LIG1: variants seen among roughly 807,000 people sequenced by gnomAD.
LIG1 encodes the protein ligase I, DNA, ATP-dependent.
A neutral mutation model predicts 115.7 loss-of-function variants in LIG1; 70 were observed. The ratio of observed to expected loss-of-function variants is 0.60; its 90% CI spans 0.50 to 0.74. The LOEUF (loss-of-function observed/expected upper bound fraction) is 0.74. Among genes scored for constraint, LIG1 ranks in the 30% least tolerant of loss-of-function variants. The pLI, the probability that LIG1 is intolerant of heterozygous loss-of-function variation, is 0.00. For synonymous variants in LIG1, 487 were observed against 495.3 expected, an observed-to-expected ratio of 0.98 and a Z score of 0.22; for missense variants, 1,115 against 1,225.6, an observed-to-expected ratio of 0.91 and a Z score of 1.35.
chr19:48,161,839 T>C (rs1191121830), intron 3 of LIG1, among the ~76,000 whole-genome samples: 1 of 150,242 alleles, frequency 6.7e-6, no homozygotes, highest in Non-Finnish European at 1.5e-5. Context: ...TTTTTTTTTT[T>C]TTTTGAGATG....
chr19:48,150,283 C>G, intron 7 of LIG1, 73 bp from the exon 8 acceptor site: 1 of 1,602,252 alleles, frequency 6.2e-7, no homozygotes, highest in East Asian at 2.2e-5. Flanking sequence ...TTTTTTACCC[C>G]CAAGATCATT....
At chr19:48,152,957 G>A (rs527996054) in intron 6 of LIG1, among the ~76,000 whole-genome samples, 7 of 152,278 alleles carry the variant, frequency 4.6e-5, no homozygotes, top group African/African-American at 1.7e-4. Context: ...AGGGCTTTGT[G>A]AGGCCGAGGT....
intron 9 of LIG1, chr19:48,147,428 G>A (rs1354369277): frequency 6.6e-6 from 1 of 151,506 alleles, no homozygotes; most frequent in Non-Finnish European, 1.5e-5. Flanking sequence ...TGTAATTCCA[G>A]CATTCTGGGA....
At chr19:48,152,007 T>G (rs1280316727) in intron 6 of LIG1, among the ~76,000 whole-genome samples, 1 of 151,942 alleles carries the variant, frequency 6.6e-6, no homozygotes, top group Non-Finnish European at 1.5e-5. Flanking sequence ...AAAAACCAAC[T>G]TGGGAAAAAT....
chr19:48,168,339 C>A (rs865924147), intron 1 of LIG1, among the ~76,000 whole-genome samples: 19 of 152,252 alleles, frequency 1.2e-4, no homozygotes, highest in Middle Eastern at 3.4e-3. Context: ...GTAATGAGGA[C>A]AGAGGAACAT....
intron 2 of LIG1, among the ~76,000 whole-genome samples, chr19:48,163,260 G>C (rs2123045618): frequency 6.8e-6 from 1 of 146,522 alleles, no homozygotes; most frequent in East Asian, 2.1e-4. Context: ...CACTCTTGTT[G>C]CCCAAGGGTG....
In LIG1 at chr19:48,162,272, G is replaced by A. The variant is rs2036223469; in HGVS notation, c.97C>T (p.Pro33Ser). 2 of 1,612,858 alleles carry A rather than the reference G, an allele frequency of 1.2e-6. No homozygotes were observed. The highest frequency in any genetic ancestry group is 2.7e-5 in the African/African-American group (2 of 74,854). ...EASNSSRETE[P>S]PPKAALKEWN... ...AGCCCTGTGACATACTTTGGAGGGG[G>A]CTCCGTCTCTCTGCTGCTATTGGAT... Residue 33 changes from proline to serine, a missense_variant, in exon 3 of 28, where the codon CCC becomes TCC. By Grantham distance (74) the Pro-to-Ser change is moderately conservative. Transcript: ENST00000263274.
In LIG1 at chr19:48,122,323, A is replaced by C. The variant is rs1203089015; in HGVS notation, c.2232+611T>G. On this transcript the variant is annotated intron_variant, in intron 23 of 27. Coordinates refer to ENST00000263274, the MANE Select transcript of LIG1 (RefSeq NM_000234.3). The surrounding 1 kb of genome is among the most constrained non-coding windows in gnomAD (Gnocchi z 4.3). ...ACGGAACCCCCACTGACTTCCTGAA[A>C]CCTTCAAGAGGAAGATCCAGTTTTA... 2 of 159,418 alleles carry C rather than the reference A, an allele frequency of 1.3e-5. No individual in the cohort carries two copies. The highest frequency in any genetic ancestry group is 4.8e-5 in the African/African-American group (2 of 41,480). The allele number at this position is 159,418 out of a possible 1,614,324, so 9.9% of individuals were successfully genotyped here.
chr19:48,137,923 G>C lies in LIG1; in HGVS notation c.1088-235C>G. 1.7e-6 allele frequency: 1 copy of C among 603,948 alleles called. No individual in the cohort carries two copies. The highest frequency in any genetic ancestry group is 2.9e-5 in the East Asian group (1 of 34,644). 37.4% of individuals were successfully genotyped at this position (603,948 alleles called of 1,614,324 possible). The stretch of plus-strand genomic sequence containing the variant: ...ACGTGGAGCCAGGAAAGCGGTGGAT[G>C]AACGAGCATGACCACACTCAGGGGA... On this transcript the variant is annotated intron_variant, in intron 12 of 27. Transcript: ENST00000263274. This position sits in a 1 kb window ranked among gnomAD's most constrained non-coding sequence, Gnocchi z 4.3.
chr19:48,137,482 A>G lies in LIG1; in HGVS notation c.1254+40T>C, dbSNP rs2034465099. 2.5e-6 allele frequency: 4 copies of G among 1,606,014 alleles called. No individual in the cohort carries two copies. The highest frequency in any genetic ancestry group is 2.5e-6 in the Non-Finnish European group (3 of 1,179,490). ...ACACACGCGTGGCCTCAGGTCCCCAAGATGTCTGGGGTCCGGGATGAGCGG... is the reference window on the plus strand; with the variant it reads ...ACACACGCGTGGCCTCAGGTCCCCAGGATGTCTGGGGTCCGGGATGAGCGG... On this transcript the variant is annotated intron_variant, in intron 13 of 27. Coordinates refer to ENST00000263274, the MANE Select transcript of LIG1 (RefSeq NM_000234.3). The surrounding 1 kb of genome is among the most constrained non-coding windows in gnomAD (Gnocchi z 4.3).
intron 3 of LIG1, 32 bp from the exon 4 acceptor site, chr19:48,161,539 G>A: frequency 6.2e-7 from 1 of 1,612,734 alleles, no homozygotes; most frequent in Non-Finnish European, 8.5e-7. Context: ...GTGTAAAGGG[G>A]CGACTACAGC....
chr19:48,141,049 G>A (rs919826378), intron 11 of LIG1, among the ~76,000 whole-genome samples: 20 of 152,222 alleles, frequency 1.3e-4, no homozygotes, highest in Admixed American at 2.0e-4. Flanking sequence ...TTGGTGTGAC[G>A]GTAACAATGA....
intron 21 of LIG1, among the ~76,000 whole-genome samples, chr19:48,124,994 G>A (rs561217471): frequency 1.9e-4 from 28 of 145,736 alleles, no homozygotes; most frequent in Non-Finnish European, 3.3e-4. Context: ...CAGCCTGGGC[G>A]ACAGAGACTG....
At chr19:48,133,284 A>G in intron 17 of LIG1, 187 bp from the exon 18 acceptor site, 1 of 601,986 alleles carries the variant, frequency 1.7e-6, no homozygotes. Context: ...CCTTCCTTCC[A>G]GGTGGGAAAG....
chr19:48,128,111 T>A, intron 19 of LIG1, 91 bp from the exon 20 acceptor site: 1 of 1,018,734 alleles, frequency 9.8e-7, no homozygotes, highest in Non-Finnish European at 1.6e-6. Context: ...CTTTTCCTTC[T>A]GCAGCTCTCA....
At chr19:48,168,341 G>A (rs1285237676) in intron 1 of LIG1, among the ~76,000 whole-genome samples, 1 of 152,176 alleles carries the variant, frequency 6.6e-6, no homozygotes, top group African/African-American at 2.4e-5. Flanking sequence ...AATGAGGACA[G>A]AGGAACATAG....
chr19:48,121,775 T>G (rs757102606), intron 23 of LIG1, among the ~76,000 whole-genome samples: 7 of 152,296 alleles, frequency 4.6e-5, no homozygotes, highest in Non-Finnish European at 8.8e-5. Context: ...CACTCCAGCC[T>G]GGGCAATGAG....
chr19:48,122,721 T>C lies in LIG1; in HGVS notation c.2232+213A>G, dbSNP rs2033377806. Among the ~76,000 whole-genome samples the C allele has an allele frequency of 6.6e-6, 1 of 152,138 alleles. No homozygotes were observed. Among genetic ancestry groups the C allele is most frequent in the East Asian group, 1.9e-4 (1 of 5,182 alleles). On this transcript the variant is annotated intron_variant, in intron 23 of 27. Transcript: ENST00000263274. This position sits in a 1 kb window ranked among gnomAD's most constrained non-coding sequence, Gnocchi z 4.3. The stretch of plus-strand genomic sequence containing the variant: ...TGCACCTCGTGGGATGTGCGGTGCT[T>C]GGGCTGGGGCTGTTCTCCATCAGAA...
At chr19:48,141,872 C>G (rs2122701700) in intron 11 of LIG1, among the ~76,000 whole-genome samples, 1 of 152,282 alleles carries the variant, frequency 6.6e-6, no homozygotes, top group South Asian at 2.1e-4. Flanking sequence ...GGAACAGCCC[C>G]CCCAAAATTC....
Sources: allele counts gnomAD v4.1 joint callset (sites outside exome capture counted in the v4.1 genomes callset), GRCh38; gene constraint gnomAD v4.1.1; non-coding constraint Gnocchi (gnomAD v3.1); transcripts MANE v1.5; gene names NCBI Gene and HGNC (gene_info 2026-07-23, HGNC 2026-07-21).